Variants in ZHX2 observed in about 807,000 individuals in gnomAD.
The protein encoded by ZHX2 is zinc fingers and homeoboxes 2.
A neutral mutation model predicts 21.9 loss-of-function variants in ZHX2; 6 were observed. The ratio of observed to expected loss-of-function variants is 0.27; its 90% CI spans 0.15 to 0.54. The LOEUF (loss-of-function observed/expected upper bound fraction) is 0.54, where lower values mean the gene tolerates loss of function less well. ZHX2 is among the 20% of genes least tolerant of loss of function. The probability of loss-of-function intolerance (pLI) is 0.95; values close to 1 mark genes in which losing one functional copy is unlikely to be tolerated. For missense variants in ZHX2, 908 were observed against 1,090.7 expected (o/e 0.83, Z 2.36); for synonymous variants, 434 against 437.1 (o/e 0.99, Z 0.09).
intron 1 of ZHX2, among the ~76,000 whole-genome samples, chr8:122,838,556 C>A (rs1818552712): frequency 6.7e-6 from 1 of 148,258 alleles, no homozygotes; most frequent in Admixed American, 6.8e-5. Context: ...ATGAAGTCTA[C>A]AGTATTTAGT....
At chr8:122,885,077 G>A (rs1035306393) in intron 2 of ZHX2, among the ~76,000 whole-genome samples, 1 of 152,220 alleles carries the variant, frequency 6.6e-6, no homozygotes, top group Non-Finnish European at 1.5e-5. Context: ...GGTTAGACAA[G>A]CAGGGCTGGT....
At chr8:122,832,231 G>A (rs548695212) in intron 1 of ZHX2, among the ~76,000 whole-genome samples, 90 of 152,324 alleles carry the variant, frequency 5.9e-4, no homozygotes, top group African/African-American at 1.2e-3. Flanking sequence ...TGGAGGAGCC[G>A]TGGGGCAGAG....
chr8:122,960,814 A>G (rs1813423174), intron 3 of ZHX2, among the ~76,000 whole-genome samples: 1 of 152,200 alleles, frequency 6.6e-6, no homozygotes, highest in Non-Finnish European at 1.5e-5. Context: ...TCTCACCAGT[A>G]AAGGAGATGA....
chr8:122,968,377 A>T (rs1273811637), intron 3 of ZHX2, among the ~76,000 whole-genome samples: 2 of 152,050 alleles, frequency 1.3e-5, no homozygotes, highest in Admixed American at 6.6e-5. Context: ...GCCAAAACTG[A>T]CTCAAGCCTG....
In ZHX2 at chr8:122,876,901, C is replaced by A. The variant is rs540628140; in HGVS notation, c.-220+13362C>A. Reference sequence around the variant, plus strand: ...CAAGCAGTTGCAGGGATTGGGGGACCCAAGCCTCTGCCCTCAATGGGGGTG... The same window carrying A: ...CAAGCAGTTGCAGGGATTGGGGGACACAAGCCTCTGCCCTCAATGGGGGTG... On this transcript the variant is annotated intron_variant, in intron 2 of 3. Transcript: ENST00000314393. Among the ~76,000 whole-genome samples the A allele has an allele frequency of 1.6e-4, 24 of 152,246 alleles. 1 individual carries two copies. The highest frequency in any genetic ancestry group is 1.9e-4 in the East Asian group (1 of 5,184).
intron 2 of ZHX2, among the ~76,000 whole-genome samples, chr8:122,884,308 C>T (rs1171549382): frequency 1.3e-5 from 2 of 152,218 alleles, no homozygotes; most frequent in African/African-American, 4.8e-5. Flanking sequence ...GTTTTCTGTG[C>T]TCACCTACTG....
intron 2 of ZHX2, among the ~76,000 whole-genome samples, chr8:122,901,545 G>T (rs1427702422): frequency 6.6e-6 from 1 of 152,058 alleles, no homozygotes; most frequent in Admixed American, 6.6e-5. Context: ...TTTTCCCCTG[G>T]TGATCTTTGT....
At chr8:122,965,272 T>C (rs1813552789) in intron 3 of ZHX2, among the ~76,000 whole-genome samples, 1 of 152,098 alleles carries the variant, frequency 6.6e-6, no homozygotes, top group East Asian at 1.9e-4. Flanking sequence ...GACTTTTTGA[T>C]TGTAGACACT....
chr8:122,821,624 C>G (rs948509431), intron 1 of ZHX2, among the ~76,000 whole-genome samples: 3 of 151,972 alleles, frequency 2.0e-5, no homozygotes, highest in African/African-American at 7.3e-5. Flanking sequence ...GCAGGCAACA[C>G]AGAGATGTGA....
At chr8:122,907,073 AATC>A (rs1394436508) in intron 2 of ZHX2, among the ~76,000 whole-genome samples, 1 of 152,214 alleles carries the variant, frequency 6.6e-6, no homozygotes, top group Non-Finnish European at 1.5e-5. Flanking sequence ...CGCAGTGGTC[AATC>A]ATCAAGTTGC....
At chr8:122,949,089 C>T (rs1263261288) in intron 2 of ZHX2, among the ~76,000 whole-genome samples, 3 of 152,158 alleles carry the variant, frequency 2.0e-5, no homozygotes, top group African/African-American at 7.2e-5. Flanking sequence ...CTTTGGGAGG[C>T]CAAGGCAGGC....
intron 1 of ZHX2, among the ~76,000 whole-genome samples, chr8:122,827,713 G>A (rs1286803989): frequency 6.6e-6 from 1 of 152,232 alleles, no homozygotes; most frequent in African/African-American, 2.4e-5. Context: ...GGATTCTCAA[G>A]GTCGGCAGCC....
intron 1 of ZHX2, among the ~76,000 whole-genome samples, chr8:122,812,802 A>G (rs1482262897): frequency 5.9e-5 from 9 of 152,242 alleles, no homozygotes; most frequent in Non-Finnish European, 1.5e-5. Flanking sequence ...GGCATCAGTC[A>G]TAGTAAATAC....
intron 2 of ZHX2, among the ~76,000 whole-genome samples, chr8:122,869,318 CTTTTTTGTTTTTT>C (rs956162206): frequency 8.6e-5 from 12 of 139,318 alleles, no homozygotes; most frequent in African/African-American, 3.0e-4. Context: ...TCTCCTCATC[CTTTTTTGTTTTTT>C]TTTTTTGTTT....
At chr8:122,821,050 G>A (rs1321654011) in intron 1 of ZHX2, among the ~76,000 whole-genome samples, 2 of 152,222 alleles carry the variant, frequency 1.3e-5, no homozygotes, top group African/African-American at 4.8e-5. Context: ...AAGAAAGGAA[G>A]GAGTGTGCAG....
chr8:122,811,497 C>T (rs561292864), intron 1 of ZHX2, among the ~76,000 whole-genome samples: 8 of 152,344 alleles, frequency 5.3e-5, no homozygotes, highest in Admixed American at 2.6e-4. Context: ...CCTGCATCCA[C>T]GCCATGGAAG....
At chr8:122,941,280 AAAC>A (rs1313510603) in intron 2 of ZHX2, among the ~76,000 whole-genome samples, 1 of 152,172 alleles carries the variant, frequency 6.6e-6, no homozygotes, top group Admixed American at 6.5e-5. Flanking sequence ...TTGTGCATGT[AAAC>A]AACATTTTAG....
chr8:122,955,700 T>A (rs1813281644), intron 3 of ZHX2, among the ~76,000 whole-genome samples: 1 of 151,622 alleles, frequency 6.6e-6, no homozygotes, highest in African/African-American at 2.4e-5. Context: ...AGGGCGTGAG[T>A]GAAAGGAAGG....
In ZHX2 at chr8:122,893,228, T is replaced by C. The variant is rs117242073; in HGVS notation, c.-220+29689T>C. 5.0e-3 allele frequency among the ~76,000 whole-genome samples: 768 copies of C among 152,330 alleles called. 2 individuals are homozygous for C. Among genetic ancestry groups the C allele is most frequent in the Non-Finnish European group, 6.0e-3 (411 of 68,030 alleles). On this transcript the variant is annotated intron_variant, in intron 2 of 3. Transcript: ENST00000314393. ...AGTCTAATGCGAATTCTCTTATATG[T>C]GAGTTGATGCTTTTTTATAATTCTT...
Sources: gnomAD v4.1 joint callset for allele counts (sites outside exome capture counted in the v4.1 genomes callset) on GRCh38, gnomAD v4.1.1 for gene constraint, MANE v1.5 for transcripts, NCBI Gene and HGNC (gene_info 2026-07-23, HGNC 2026-07-21) for gene names.